The following ASL variants were observed in gnomAD, a reference collection of about 807,000 sequenced individuals.
ASL encodes argininosuccinate lyase.
ASL carries 51 observed loss-of-function variants against 69.1 expected under a neutral mutation model. That is an observed-to-expected ratio of 0.74 (90% CI 0.59 to 0.93). The LOEUF (loss-of-function observed/expected upper bound fraction) is 0.93, where lower values mean the gene tolerates loss of function less well. ASL is among the 40% of genes least tolerant of loss of function. ASL has a pLI of 0.00. For missense variants in ASL, 540 were observed against 623.9 expected (o/e 0.87, Z 1.43); for synonymous variants, 241 against 247.6 (o/e 0.97, Z 0.25).
intron 10 of ASL, 59 bp from the exon 11 acceptor site, chr7:66,088,748 G>C: frequency 1.4e-6 from 2 of 1,466,104 alleles, no homozygotes; most frequent in Non-Finnish European, 1.9e-6. Flanking sequence ...CCTGCCCCCT[G>C]TATGGTCAGG....
chr7:66,082,944 A>T lies in ASL; in HGVS notation c.348+8A>T, dbSNP rs757626168. The T allele has an allele frequency of 9.5e-5, 153 of 1,613,438 alleles. No individual in the cohort carries two copies. The highest frequency in any genetic ancestry group is 1.3e-4 in the Non-Finnish European group (153 of 1,179,940). On this transcript the variant is annotated splice_region_variant and intron_variant, in intron 5 of 16. Transcript: ENST00000304874. ...CGGAGCCGGAATGACCAGGTGCTTT[A>T]GCCCCTCCACCCCCTGCTCCGTGTT...
rs141584041 is a variant in ASL, at chr7:66,083,127, G to A, written c.399G>A (p.Ser133=). ...LWMRQTCSTL[S]GLLWELIRTM... ...TGCGGCAGACCTGCTCCACGCTCTC[G>A]GGCCTCCTCTGGGAGCTCATTAGGA... The change falls in exon 6 of 17, where the codon TCG becomes TCA. Residue 133 remains serine, a synonymous_variant. Transcript: ENST00000304874. The A allele has an allele frequency of 1.1e-4, 179 of 1,613,496 alleles. No homozygotes were observed. The African/African-American group carries it at 1.9e-3, about 17-fold the overall frequency.
Position 66,087,389 on chromosome 7 carries a change from G to A in ASL, c.655+3G>A, listed in dbSNP as rs1343108294. On this transcript the variant is annotated splice_donor_region_variant and intron_variant, in intron 9 of 16. Coordinates refer to ENST00000304874, the MANE Select transcript of ASL (RefSeq NM_000048.4). ...GGACCGAGAGCTGCTCCGAGCAGGTGAGACGTCCTGCCCCTCCTCCCCAGG... is the reference window on the plus strand; with the variant it reads ...GGACCGAGAGCTGCTCCGAGCAGGTAAGACGTCCTGCCCCTCCTCCCCAGG... 6.2e-7 allele frequency: 1 copy of A among 1,606,978 alleles called. No homozygotes were observed. The highest frequency in any genetic ancestry group is 1.6e-4 in the Middle Eastern group (1 of 6,062).
Position 66,092,758 on chromosome 7 carries a change from C to T in ASL, c.1251-10C>T. On this transcript the variant is annotated splice_polypyrimidine_tract_variant and intron_variant, in intron 16 of 16. Coordinates refer to ENST00000304874, the MANE Select transcript of ASL (RefSeq NM_000048.4). The stretch of plus-strand genomic sequence containing the variant: ...CTGGCGCCCTGGCCCACCTCTTCCT[C>T]TCTCCCCAGCCCCCTGTTCTCGGGC... 2 of 1,613,878 alleles carry T rather than the reference C, an allele frequency of 1.2e-6. No individual in the cohort carries two copies. Among genetic ancestry groups the T allele is most frequent in the Non-Finnish European group, 1.7e-6 (2 of 1,179,982 alleles).
Position 66,082,006 on chromosome 7 carries a change from C to T in ASL, c.207+9C>T, listed in dbSNP as rs766219256. 4.6e-5 allele frequency: 74 copies of T among 1,594,350 alleles called. No individual in the cohort carries two copies. Among genetic ancestry groups the T allele is most frequent in the Non-Finnish European group, 5.4e-5 (63 of 1,170,716 alleles). ...TCCATGGCCTAGACAAGGTACTTGC[C>T]GTGGCCCAAGCCCCACCCAAGGCCC... is the stretch of plus-strand genomic sequence containing the variant. On this transcript the variant is annotated intron_variant, in intron 3 of 16. Coordinates refer to ENST00000304874, the MANE Select transcript of ASL (RefSeq NM_000048.4).
chr7:66,082,754 T>C, intron 4 of ASL, 126 bp from the exon 5 acceptor site: 1 of 1,186,754 alleles, frequency 8.4e-7, no homozygotes, highest in East Asian at 2.5e-5. Flanking sequence ...TGGCGAGAGA[T>C]TTGGGGAGGA....
chr7:66,086,943 C>G (rs1786682909), intron 8 of ASL, 122 bp downstream of exon 8: 2 of 1,197,572 alleles, frequency 1.7e-6, no homozygotes, highest in African/African-American at 3.0e-5. Context: ...CAGCGGGGGA[C>G]TCTGCATGGA....
chr7:66,092,885 G>A lies in ASL; in HGVS notation c.1368G>A (p.Arg456=), dbSNP rs1786895596. 1 of 1,610,386 alleles carries A rather than the reference G, an allele frequency of 6.2e-7. No individual in the cohort carries two copies. The highest frequency in any genetic ancestry group is 1.7e-5 in the Admixed American group (1 of 59,976). Residue 456 remains arginine (R), a synonymous_variant, in exon 17 of 17, where the codon CGG becomes CGA. Coordinates refer to ENST00000304874, the MANE Select transcript of ASL (RefSeq NM_000048.4). ...TCGACTGGCAGATCCGCCAGGTGCGGGCGCTACTGCAGGCACAGCAGGCCT... is the reference window on the plus strand; with the variant it reads ...TCGACTGGCAGATCCGCCAGGTGCGAGCGCTACTGCAGGCACAGCAGGCCT... The part of the protein sequence containing the change: ...SSVDWQIRQV[R]ALLQAQQA
chr7:66,080,365 G>C, intron 2 of ASL, among the ~76,000 whole-genome samples: 1 of 98,056 alleles, frequency 1.0e-5, no homozygotes, highest in Admixed American at 1.4e-4. Flanking sequence ...CAGCCTGGGT[G>C]ACAAAGAGAG....
intron 8 of ASL, chr7:66,087,130 T>C (rs1786688128): frequency 1.5e-6 from 1 of 667,060 alleles, no homozygotes; most frequent in South Asian, 1.7e-5. Flanking sequence ...GGACAAGTGT[T>C]TTGTGGACAC....
At position 66,087,769 on chromosome 7, in the gene ASL, C is replaced by A. The variant is rs1786713503; in HGVS notation, c.696C>A (p.Ala232=). ...CCATCACTCTCAACAGCATGGATGC[C>A]ACTAGTGAGCGGGACTTTGTGGGTG... ...FGAITLNSMD[A]TSERDFVAEF... Residue 232 remains alanine, a synonymous_variant, in exon 10 of 17, where the codon GCC becomes GCA. Coordinates refer to ENST00000304874, the MANE Select transcript of ASL (RefSeq NM_000048.4). The A allele has an allele frequency of 1.2e-6, 2 of 1,614,168 alleles. No individual in the cohort carries two copies. The highest frequency in any genetic ancestry group is 1.7e-6 in the Non-Finnish European group (2 of 1,180,030).
rs1562742141 is a variant in ASL, at chr7:66,088,851, A to AG, written c.765dup (p.Met256AspfsTer79). 4 of 1,613,962 alleles carry AG rather than the reference A, an allele frequency of 2.5e-6. No homozygotes were observed. Among genetic ancestry groups the AG allele is most frequent in the Non-Finnish European group, 3.4e-6 (4 of 1,180,026 alleles). On this transcript the variant is annotated frameshift_variant, in exon 11 of 17. Transcript: ENST00000304874. LOFTEE classifies it high-confidence loss of function. ...TTCGCTGTGCATGACCCATCTCAGCAGGATGGCCGAGGACCTCATCCTCTA... is the reference window on the plus strand; with the variant it reads ...TTCGCTGTGCATGACCCATCTCAGCAGGGATGGCCGAGGACCTCATCCTCTA...
At position 66,093,478 on chromosome 7, in the gene ASL, G is replaced by A. The variant is rs564740861; in HGVS notation, c.*566G>A. On this transcript the variant is annotated 3_prime_UTR_variant, in exon 17 of 17. Coordinates refer to ENST00000304874, the MANE Select transcript of ASL (RefSeq NM_000048.4). ...GTATCACAGTGACCTCCTAGGCCAG[G>A]AGCGATGGCTCACGCCTGTAATCCT... The A allele has an allele frequency of 1.2e-4, 20 of 166,048 alleles. No individual in the cohort carries two copies. The South Asian group carries it at 3.1e-3, about 25-fold the overall frequency. 10.3% of individuals were successfully genotyped at this position (166,048 alleles called of 1,614,324 possible).
chr7:66,082,269 G>A (rs937873734), intron 3 of ASL, 99 bp from the exon 4 acceptor site: 29 of 1,307,530 alleles, frequency 2.2e-5, no homozygotes, highest in South Asian at 2.5e-5. Flanking sequence ...CCTGGGCAGG[G>A]ACAGTCAGTC....
intron 6 of ASL, among the ~76,000 whole-genome samples, chr7:66,084,145 G>T (rs111592337): frequency 6.0e-4 from 91 of 151,414 alleles, no homozygotes; most frequent in African/African-American, 1.7e-3. Flanking sequence ...TTAATTTTTT[G>T]TTGTTGTTGT....
At chr7:66,077,529 G>A (rs1328949114) in intron 2 of ASL, among the ~76,000 whole-genome samples, 1 of 152,170 alleles carries the variant, frequency 6.6e-6, no homozygotes, top group Non-Finnish European at 1.5e-5. Context: ...AGGAGTTTGA[G>A]ACCAGCCTGG....
rs1020292358 is a variant in ASL at position 66,092,590 on chromosome 7, A to G, written c.1177A>G (p.Lys393Glu). The G allele has an allele frequency of 1.2e-6, 2 of 1,612,220 alleles. No homozygotes were observed. Among genetic ancestry groups the G allele is most frequent in the Non-Finnish European group, 1.7e-6 (2 of 1,179,986 alleles). The change falls in exon 16 of 17, where the codon AAA becomes GAA. Residue 393 changes from lysine to glutamate, a missense_variant. Lys to Glu is a moderately conservative substitution (Grantham distance 56). Transcript: ENST00000304874. ...PFRQAHEASG[K>E]AVFMAETKGV... ...CCGCCAGGCCCACGAGGCCTCCGGG[A>G]AAGCTGTGTTCATGGCCGAGACCAA...
At chr7:66,078,397 C>A (rs160648) in intron 2 of ASL, among the ~76,000 whole-genome samples, 17,787 of 151,954 alleles carry the variant, frequency 0.12, 1,201 homozygotes, top group South Asian at 0.21. Context: ...ATAGAGGAGT[C>A]AGCTCACAGC....
chr7:66,077,724 AC>A (rs994086187), intron 2 of ASL, among the ~76,000 whole-genome samples: 9 of 151,958 alleles, frequency 5.9e-5, no homozygotes, highest in African/African-American at 2.2e-4. Flanking sequence ...GCAAGACTCC[AC>A]CTCAAAAAAA....
Sources: gnomAD v4.1 joint callset for allele counts (sites outside exome capture counted in the v4.1 genomes callset) on GRCh38, gnomAD v4.1.1 for gene constraint, MANE v1.5 for transcripts, NCBI Gene and HGNC (gene_info 2026-07-23, HGNC 2026-07-21) for gene names.